Variants in ARHGEF7 observed in about 807,000 individuals in gnomAD.
ARHGEF7 encodes the protein Rho guanine nucleotide exchange factor 7, also known as PAK-interacting exchange factor beta.
Under a neutral mutation model 109.8 loss-of-function variants are expected in ARHGEF7, and 33 were observed. The observed-to-expected ratio is 0.30, with a 90% CI of 0.23 to 0.40. The LOEUF is 0.40. Among genes scored for constraint, ARHGEF7 ranks in the 10% least tolerant of loss-of-function variants. The probability of loss-of-function intolerance (pLI) is 1.00; values close to 1 mark genes in which losing one functional copy is unlikely to be tolerated. For missense variants in ARHGEF7, 938 were observed against 1,098.5 expected (o/e 0.85, Z 2.07); for synonymous variants, 458 against 424.6 (o/e 1.08, Z -0.97).
In ARHGEF7 at chr13:111,243,938, T is replaced by C. The variant is rs762742190; in HGVS notation, c.826T>C (p.Tyr276His). The change falls in exon 7 of 22, where the codon TAC (tyrosine) becomes CAC (histidine). Residue 276 changes from tyrosine (Y) to histidine (H), a missense_variant. This residue lies in a region of ARHGEF7 where 585 missense variants were observed against 723.6 expected (regional missense o/e 0.81). Coordinates refer to ENST00000646102, the MANE Select transcript of ARHGEF7 (RefSeq NM_001354046.2). The stretch of plus-strand genomic sequence containing the variant: ...AGAACTTCAGACTGTGCTTTCAACG[T>C]ACCTACGGCCATTGCAGACCAGTGA... ...SKELQTVLST[Y>H]LRPLQTSEKL... The C allele has an allele frequency of 9.9e-6, 16 of 1,613,512 alleles. No homozygotes were observed. The highest frequency in any genetic ancestry group is 1.4e-5 in the Non-Finnish European group (16 of 1,179,514).
chr13:111,222,657 G>C (rs568961018), intron 5 of ARHGEF7, among the ~76,000 whole-genome samples: 134 of 152,270 alleles, frequency 8.8e-4, no homozygotes, highest in Non-Finnish European at 1.2e-3. Context: ...TTGAACTTCT[G>C]ACCTCAAGTG....
chr13:111,216,690 G>T (rs544372321), intron 4 of ARHGEF7, among the ~76,000 whole-genome samples: 2 of 152,200 alleles, frequency 1.3e-5, no homozygotes, highest in African/African-American at 4.8e-5. Context: ...CGTTGCAGGT[G>T]GGCTGGGCTC....
In ARHGEF7 at chr13:111,266,708, TC is replaced by T; in HGVS notation, c.951-837del. ...TGTTTTTGGTCACTTTTTCTCTGGC[TC>T]CCATTCCCTAGGTAGGAGGATGTAA... On this transcript the variant is annotated intron_variant, in intron 8 of 21. Coordinates refer to ENST00000646102, the MANE Select transcript of ARHGEF7 (RefSeq NM_001354046.2). The surrounding 1 kb of genome is among the most constrained non-coding windows in gnomAD (Gnocchi z 4.8). The T allele has an allele frequency of 2.4e-6, 1 of 419,714 alleles. No individual in the cohort carries two copies. Among genetic ancestry groups the T allele is most frequent in the Non-Finnish European group, 4.9e-6 (1 of 202,654 alleles). The allele number at this position is 419,714 out of a possible 1,614,324, so 26.0% of individuals were successfully genotyped here.
At chr13:111,199,531 C>G (rs2080967489) in intron 2 of ARHGEF7, among the ~76,000 whole-genome samples, 1 of 152,158 alleles carries the variant, frequency 6.6e-6, no homozygotes, top group Admixed American at 6.5e-5. Flanking sequence ...GGGCCTTAGC[C>G]TGCCAGATGC....
At chr13:111,281,828 G>A (rs920667648) in intron 15 of ARHGEF7, among the ~76,000 whole-genome samples, 14 of 152,144 alleles carry the variant, frequency 9.2e-5, no homozygotes, top group African/African-American at 3.4e-4. Context: ...CCTTCAGCGG[G>A]GAAGGCACTG....
intron 2 of ARHGEF7, among the ~76,000 whole-genome samples, chr13:111,163,413 G>A (rs547523677): frequency 1.3e-5 from 2 of 152,094 alleles, no homozygotes; most frequent in South Asian, 2.1e-4. Context: ...TTCCCCCTTC[G>A]TTTCAGATCT....
At chr13:111,189,345 T>C (rs757555459) in intron 2 of ARHGEF7, among the ~76,000 whole-genome samples, 1 of 152,202 alleles carries the variant, frequency 6.6e-6, no homozygotes, top group Non-Finnish European at 1.5e-5. Context: ...GATGTTCAGA[T>C]GTGTCAGAGT....
At position 111,145,345 on chromosome 13, in the gene ARHGEF7, T is replaced by C. The variant is rs1175872913; in HGVS notation, c.166-8560T>C. Among the ~76,000 whole-genome samples, 1 of 151,946 alleles carries C rather than the reference T, an allele frequency of 6.6e-6. No homozygotes were observed. Among genetic ancestry groups the C allele is most frequent in the Non-Finnish European group, 1.5e-5 (1 of 67,982 alleles). On this transcript the variant is annotated intron_variant, in intron 1 of 21. Coordinates refer to ENST00000646102, the MANE Select transcript of ARHGEF7 (RefSeq NM_001354046.2). The surrounding 1 kb of genome is among the most constrained non-coding windows in gnomAD (Gnocchi z 4.3). ...TGAACAGAGGTGGTTTATGAGACGATTTATGAAGTGAGGGCAGGAAGAAGG... is the reference window on the plus strand; with the variant it reads ...TGAACAGAGGTGGTTTATGAGACGACTTATGAAGTGAGGGCAGGAAGAAGG...
chr13:111,273,826 G>A lies in ARHGEF7; in HGVS notation c.1086G>A (p.Gly362=). Residue 362 remains glycine, a synonymous_variant, in exon 10 of 22, where the codon GGG becomes GGA. Transcript: ENST00000646102. This position sits in a 1 kb window ranked among gnomAD's most constrained non-coding sequence, Gnocchi z 4.5. ...ACTTGCTGCCCAGTGAGGAGTTGGG[G>A]GAGTTCATGGAGACCAAAGGTGCCA... ...NVLTEHSEEL[G]EFMETKGASS... 6.2e-7 allele frequency: 1 copy of A among 1,614,180 alleles called. No homozygotes were observed. Among genetic ancestry groups the A allele is most frequent in the Non-Finnish European group, 8.5e-7 (1 of 1,180,024 alleles).
chr13:111,123,864 C>T (rs935306765), intron 1 of ARHGEF7, among the ~76,000 whole-genome samples: 1 of 32,776 alleles, frequency 3.1e-5, no homozygotes, highest in African/African-American at 1.4e-4. Flanking sequence ...TGGGCTGCGC[C>T]CCCCCCCCCC....
intron 2 of ARHGEF7, among the ~76,000 whole-genome samples, chr13:111,175,009 C>T (rs748866355): frequency 2.0e-5 from 3 of 152,196 alleles, no homozygotes; most frequent in Non-Finnish European, 4.4e-5. Context: ...GAGCATACAG[C>T]AGTGTGAATT....
At chr13:111,276,361 C>G (rs2092481828) in intron 12 of ARHGEF7, among the ~76,000 whole-genome samples, 1 of 152,206 alleles carries the variant, frequency 6.6e-6, no homozygotes, top group Admixed American at 6.5e-5. Context: ...ACTAAAACTT[C>G]AAACTTATAT....
At chr13:111,250,387 G>A (rs1470524155) in intron 8 of ARHGEF7, among the ~76,000 whole-genome samples, 1 of 152,222 alleles carries the variant, frequency 6.6e-6, no homozygotes, top group Non-Finnish European at 1.5e-5. Context: ...GCCTGTCCTG[G>A]TGGAGCTTAT....
chr13:111,292,557 G>A lies in ARHGEF7; in HGVS notation c.2311+263G>A, dbSNP rs143350770. ...GGTGTGTTCACGTGAGCCTACATCCGAGGGTGCTCTTCGTAAGGGGTAGTT... is the reference window on the plus strand; with the variant it reads ...GGTGTGTTCACGTGAGCCTACATCCAAGGGTGCTCTTCGTAAGGGGTAGTT... On this transcript the variant is annotated intron_variant, in intron 19 of 21. Transcript: ENST00000646102. 649 of 1,368,656 alleles carry A rather than the reference G, an allele frequency of 4.7e-4. 3 individuals are homozygous for A. In the African/African-American group the frequency reaches 8.8e-3, roughly 19 times the overall value. 84.8% of individuals were successfully genotyped at this position (1,368,656 alleles called of 1,614,324 possible).
chr13:111,238,536 A>G (rs559877097), intron 6 of ARHGEF7, among the ~76,000 whole-genome samples: 2 of 152,350 alleles, frequency 1.3e-5, no homozygotes, highest in South Asian at 2.1e-4. Flanking sequence ...GTGACCTGTG[A>G]AAGCTGTAGC....
chr13:111,273,393 C>T lies in ARHGEF7; in HGVS notation c.1074-421C>T, dbSNP rs556699950. Among the ~76,000 whole-genome samples the T allele has an allele frequency of 8.5e-4, 130 of 152,358 alleles. No individual in the cohort carries two copies. The highest frequency in any genetic ancestry group is 3.1e-3 in the African/African-American group (127 of 41,586). ...CGAACTCGCATCTGGGGATGACTAC[C>T]ATCAGTGTGCTCTAGCTCTTTACCG... On this transcript the variant is annotated intron_variant, in intron 9 of 21. Transcript: ENST00000646102. The surrounding 1 kb of genome is among the most constrained non-coding windows in gnomAD (Gnocchi z 4.5).
At chr13:111,232,943 A>T (rs1265275645) in intron 5 of ARHGEF7, among the ~76,000 whole-genome samples, 1 of 152,168 alleles carries the variant, frequency 6.6e-6, no homozygotes, top group South Asian at 2.1e-4. Context: ...GCATTCGTGG[A>T]GCAGTCTCTT....
intron 1 of ARHGEF7, chr13:111,144,390 T>C (rs976989787): frequency 6.6e-6 from 1 of 152,248 alleles, no homozygotes; most frequent in Non-Finnish European, 1.5e-5. Context: ...ACTTATCTGG[T>C]ATTTAGCAGT....
At chr13:111,265,751 C>T (rs1309938555) in intron 8 of ARHGEF7, 6 of 455,140 alleles carry the variant, frequency 1.3e-5, no homozygotes, top group Non-Finnish European at 2.6e-5. Flanking sequence ...ATGCAGCCCT[C>T]ATGAATAGGA....
Sources: allele counts gnomAD v4.1 joint callset (sites outside exome capture counted in the v4.1 genomes callset), GRCh38; gene constraint gnomAD v4.1.1; regional missense constraint gnomAD v4.1.1; non-coding constraint Gnocchi (gnomAD v3.1); transcripts MANE v1.5; gene names NCBI Gene and HGNC (gene_info 2026-07-23, HGNC 2026-07-21).